The following CCDC63 variants were observed in gnomAD, a reference collection of about 807,000 sequenced individuals.
CCDC63 encodes the protein coiled-coil domain-containing protein 63.
CCDC63 carries 54 observed loss-of-function variants against 63.6 expected under a neutral mutation model. The ratio of observed to expected loss-of-function variants is 0.85; its 90% confidence interval spans 0.68 to 1.07. The LOEUF is 1.07. Among genes scored for constraint, CCDC63 ranks in the 50% least tolerant of loss-of-function variants. CCDC63 has a pLI of 0.00. For missense variants in CCDC63, 637 were observed against 689.6 expected (o/e 0.92, Z 0.86); for synonymous variants, 253 against 266.1 (o/e 0.95, Z 0.48).
At chr12:110,902,602 C>A (rs779230322) in intron 10 of CCDC63, among the ~76,000 whole-genome samples, 2 of 152,132 alleles carry the variant, frequency 1.3e-5, no homozygotes, top group African/African-American at 4.8e-5. Context: ...TCCCTCTCAC[C>A]GCAGTCCTAG....
At chr12:110,900,877 C>T (rs533247618) in intron 10 of CCDC63, among the ~76,000 whole-genome samples, 40 of 152,138 alleles carry the variant, frequency 2.6e-4, no homozygotes, top group Admixed American at 7.2e-4. Flanking sequence ...GGATTACAGG[C>T]GTGAGCCACT....
intron 4 of CCDC63, among the ~76,000 whole-genome samples, chr12:110,873,081 A>C (rs999316260): frequency 2.6e-5 from 4 of 152,094 alleles, no homozygotes; most frequent in African/African-American, 9.7e-5. Context: ...TAAAAATACA[A>C]AAAAATTAGA....
chr12:110,867,531 C>G (rs2070982274), intron 4 of CCDC63, among the ~76,000 whole-genome samples: 1 of 123,136 alleles, frequency 8.1e-6, no homozygotes. Context: ...GGGGGGCTGA[C>G]CCCCCCACCT....
chr12:110,904,280 G>A (rs893056999), intron 10 of CCDC63, among the ~76,000 whole-genome samples: 6 of 151,218 alleles, frequency 4.0e-5, no homozygotes, highest in Admixed American at 6.6e-5. Context: ...GTTTGAGGTC[G>A]CAGTGAGCCA....
chr12:110,864,769 C>T (rs2070918426), intron 4 of CCDC63, among the ~76,000 whole-genome samples: 5 of 151,986 alleles, frequency 3.3e-5, no homozygotes, highest in South Asian at 4.2e-4. Flanking sequence ...GATGCTCTAT[C>T]CCCTGGAGCT....
At chr12:110,867,269 A>G (rs1593655561) in intron 4 of CCDC63, among the ~76,000 whole-genome samples, 6 of 85,952 alleles carry the variant, frequency 7.0e-5, no homozygotes, top group East Asian at 4.1e-4. Flanking sequence ...GGCCGGGCAG[A>G]GGGGCTCCTC....
intron 10 of CCDC63, among the ~76,000 whole-genome samples, chr12:110,899,763 G>T (rs569021625): frequency 5.1e-4 from 77 of 150,654 alleles, no homozygotes; most frequent in African/African-American, 1.7e-3. Flanking sequence ...TTAAATAAAT[G>T]TATAGTTATT....
intron 3 of CCDC63, 113 bp downstream of exon 3, chr12:110,853,687 C>A: frequency 8.6e-7 from 1 of 1,158,404 alleles, no homozygotes; most frequent in Non-Finnish European, 1.3e-6. Context: ...CACCTCTGAG[C>A]CCCATTGGAG....
At chr12:110,881,073 G>T in intron 6 of CCDC63, 42 bp from the exon 7 acceptor site, 1 of 1,535,268 alleles carries the variant, frequency 6.5e-7, no homozygotes, top group Non-Finnish European at 8.8e-7. Context: ...AAGTAGAGAG[G>T]AGGAGCCTCA....
chr12:110,862,745 CTTTTTCTTTTCTTTTTT>C (rs1433301796), intron 4 of CCDC63, among the ~76,000 whole-genome samples: 1 of 150,900 alleles, frequency 6.6e-6, no homozygotes, highest in Non-Finnish European at 1.5e-5. Context: ...TCTTTCTTTT[CTTTTTCTTTTCTTTTTT>C]TTTTTCTTTT....
intron 10 of CCDC63, among the ~76,000 whole-genome samples, chr12:110,902,630 A>G (rs945047671): frequency 8.6e-5 from 13 of 151,918 alleles, no homozygotes; most frequent in South Asian, 2.1e-4. Flanking sequence ...CATTTACCCA[A>G]TTTGTCTCTA....
At chr12:110,887,497 G>A (rs996450467) in intron 8 of CCDC63, among the ~76,000 whole-genome samples, 1 of 151,902 alleles carries the variant, frequency 6.6e-6, no homozygotes, top group African/African-American at 2.4e-5. Context: ...GGAAACACTG[G>A]TACATAAAAC....
intron 4 of CCDC63, among the ~76,000 whole-genome samples, chr12:110,868,025 G>A (rs1363924926): frequency 2.2e-4 from 32 of 147,946 alleles, no homozygotes; most frequent in African/African-American, 7.1e-4. Flanking sequence ...CGGGGCGGCC[G>A]GGCAGAGACG....
chr12:110,866,463 C>A (rs868720650), intron 4 of CCDC63, among the ~76,000 whole-genome samples: 154 of 145,302 alleles, frequency 1.1e-3, no homozygotes, highest in Middle Eastern at 6.8e-3. Flanking sequence ...GAGGACCCTG[C>A]GGCCTTCCGC....
Position 110,884,174 on chromosome 12 carries a change from A to G in CCDC63, c.998A>G (p.Asn333Ser). The part of the protein sequence containing the change: ...IEDFLAKEEK[N>S]FARFTYVTEL... The stretch of plus-strand genomic sequence containing the variant: ...GATTTTCTGGCCAAGGAGGAGAAGA[A>G]TTTTGCTCGGTTCACGTATGTCACG... The change falls in exon 8 of 12, where the codon AAT becomes AGT. Residue 333 changes from asparagine to serine, a missense_variant. Asn to Ser is a conservative substitution (Grantham distance 46). Coordinates refer to ENST00000308208, the MANE Select transcript of CCDC63 (RefSeq NM_152591.3). The G allele has an allele frequency of 1.2e-6, 2 of 1,614,090 alleles. No individual in the cohort carries two copies. Among genetic ancestry groups the G allele is most frequent in the South Asian group, 2.2e-5 (2 of 91,078 alleles).
At chr12:110,864,718 A>G (rs903711792) in intron 4 of CCDC63, among the ~76,000 whole-genome samples, 1 of 152,084 alleles carries the variant, frequency 6.6e-6, no homozygotes, top group African/African-American at 2.4e-5. Context: ...AAAAAAAAAA[A>G]AAAGAGAAAA....
intron 5 of CCDC63, among the ~76,000 whole-genome samples, chr12:110,875,301 C>A (rs931953778): frequency 3.9e-5 from 6 of 152,222 alleles, no homozygotes; most frequent in African/African-American, 1.4e-4. Context: ...CCGTTATTAG[C>A]AAACCCAGAG....
chr12:110,844,950 C>T (rs1033405710), upstream of CCDC63, among the ~76,000 whole-genome samples: 3 of 152,218 alleles, frequency 2.0e-5, no homozygotes, highest in African/African-American at 4.8e-5. Flanking sequence ...TGCGGCTTGG[C>T]TCTAATTTCC....
intron 9 of CCDC63, among the ~76,000 whole-genome samples, chr12:110,897,732 G>GT (rs1208926440): frequency 0.021 from 2,566 of 121,240 alleles, 89 homozygotes; most frequent in African/African-American, 0.054. Flanking sequence ...GGACCACCTT[G>GT]TTTTTTTTTT....
Sources: gnomAD v4.1 joint callset for allele counts (sites outside exome capture counted in the v4.1 genomes callset) on GRCh38, gnomAD v4.1.1 for gene constraint, MANE v1.5 for transcripts, NCBI Gene and HGNC (gene_info 2026-07-23, HGNC 2026-07-21) for gene names.